Variants in RSRC1 observed in about 807,000 individuals in gnomAD.
RSRC1 encodes serine/Arginine-related protein 53.
A neutral mutation model predicts 49.1 loss-of-function variants in RSRC1; 39 were observed. That is an observed-to-expected ratio of 0.79 (90% CI 0.61 to 1.04). The LOEUF is 1.04. RSRC1 is among the 50% of genes least tolerant of loss of function. The pLI, the probability that RSRC1 is intolerant of heterozygous loss-of-function variation, is 0.00. For synonymous variants in RSRC1, 143 were observed against 130.8 expected (o/e 1.09, Z -0.63); for missense variants, 388 against 402.4 (o/e 0.96, Z 0.31).
chr3:158,228,398 G>C (rs1312235399), intron 4 of RSRC1, among the ~76,000 whole-genome samples: 2 of 151,404 alleles, frequency 1.3e-5, no homozygotes, highest in African/African-American at 4.8e-5. Context: ...TCCCAAGAGG[G>C]TAGTATTACC....
At chr3:158,497,417 C>T (rs1461959237) in intron 7 of RSRC1, among the ~76,000 whole-genome samples, 4 of 148,736 alleles carry the variant, frequency 2.7e-5, no homozygotes, top group Admixed American at 2.7e-4. Context: ...CTCTTCCCCC[C>T]AAGTCCTCAC....
intron 5 of RSRC1, among the ~76,000 whole-genome samples, chr3:158,332,971 G>GT (rs371669802): frequency 0.23 from 31,471 of 136,006 alleles, 3,935 homozygotes; most frequent in South Asian, 0.3. Flanking sequence ...TCTGTTTTTT[G>GT]TTTTTTTTTT....
At chr3:158,462,164 A>G (rs1162270383) in intron 7 of RSRC1, among the ~76,000 whole-genome samples, 1 of 151,842 alleles carries the variant, frequency 6.6e-6, no homozygotes, top group East Asian at 1.9e-4. Flanking sequence ...ATTTTATGGT[A>G]TACTGAGAAA....
chr3:158,445,332 G>T (rs1736641474), intron 6 of RSRC1, among the ~76,000 whole-genome samples: 1 of 152,048 alleles, frequency 6.6e-6, no homozygotes, highest in African/African-American at 2.4e-5. Flanking sequence ...CCATAAAAAA[G>T]GGTGAGTTCA....
chr3:158,385,361 T>TA (rs1732915808), intron 6 of RSRC1, among the ~76,000 whole-genome samples: 1 of 152,160 alleles, frequency 6.6e-6, no homozygotes, highest in East Asian at 1.9e-4. Flanking sequence ...TTTGAGACCC[T>TA]ACTGCTATGT....
chr3:158,255,169 GT>G (rs1290688838), intron 4 of RSRC1, among the ~76,000 whole-genome samples: 6 of 152,014 alleles, frequency 3.9e-5, no homozygotes, highest in African/African-American at 1.2e-4. Flanking sequence ...TATTCCCTCT[GT>G]TTTTTTCTAG....
At chr3:158,472,698 T>C (rs572295058) in intron 7 of RSRC1, among the ~76,000 whole-genome samples, 8 of 152,326 alleles carry the variant, frequency 5.3e-5, no homozygotes, top group African/African-American at 1.9e-4. Flanking sequence ...GTTTGGTTTT[T>C]TTCTTGTAAA....
intron 6 of RSRC1, among the ~76,000 whole-genome samples, chr3:158,420,050 G>A (rs1734956221): frequency 6.6e-6 from 1 of 151,294 alleles, no homozygotes; most frequent in Admixed American, 6.6e-5. Context: ...CTCCTCATAG[G>A]CAGGCTCACA....
At chr3:158,477,422 G>A (rs1010385567) in intron 7 of RSRC1, among the ~76,000 whole-genome samples, 1 of 152,030 alleles carries the variant, frequency 6.6e-6, no homozygotes, top group East Asian at 1.9e-4. Context: ...AGCCTTCAGT[G>A]ACCACCACCT....
At chr3:158,262,871 G>A (rs1341173900) in intron 4 of RSRC1, among the ~76,000 whole-genome samples, 1 of 151,932 alleles carries the variant, frequency 6.6e-6, no homozygotes, top group Admixed American at 6.6e-5. Context: ...CATAAATGCT[G>A]TTGAATTTTG....
At chr3:158,295,104 G>T (rs932022557) in intron 4 of RSRC1, among the ~76,000 whole-genome samples, 2 of 152,104 alleles carry the variant, frequency 1.3e-5, no homozygotes, top group African/African-American at 4.8e-5. Context: ...GACATGCCCC[G>T]AGTGTTAATG....
intron 4 of RSRC1, among the ~76,000 whole-genome samples, chr3:158,227,229 G>A (rs1483315957): frequency 6.6e-6 from 1 of 151,764 alleles, no homozygotes; most frequent in Admixed American, 6.6e-5. Flanking sequence ...AGAGACTTGT[G>A]TCCTAGTCCA....
intron 6 of RSRC1, among the ~76,000 whole-genome samples, chr3:158,407,549 T>C (rs1304336393): frequency 6.6e-6 from 1 of 152,196 alleles, no homozygotes; most frequent in African/African-American, 2.4e-5. Context: ...CTTTATTTGG[T>C]AGATTAGTAA....
At chr3:158,150,185 G>A (rs1717434210) in intron 3 of RSRC1, among the ~76,000 whole-genome samples, 1 of 152,212 alleles carries the variant, frequency 6.6e-6, no homozygotes, top group African/African-American at 2.4e-5. Flanking sequence ...GCTGTTTAAA[G>A]GATATGATAG....
chr3:158,215,524 G>C (rs1260974718), intron 4 of RSRC1, among the ~76,000 whole-genome samples: 2 of 151,472 alleles, frequency 1.3e-5, no homozygotes, highest in Admixed American at 6.6e-5. Flanking sequence ...CTTCCCTTCT[G>C]TCATTAATTT....
chr3:158,430,688 A>G (rs1735731362), intron 6 of RSRC1, among the ~76,000 whole-genome samples: 1 of 151,958 alleles, frequency 6.6e-6, no homozygotes, highest in South Asian at 2.1e-4. Flanking sequence ...TGGGAAGACA[A>G]ACTACAAATA....
intron 4 of RSRC1, among the ~76,000 whole-genome samples, chr3:158,290,321 G>A (rs1253984739): frequency 6.7e-6 from 1 of 150,290 alleles, no homozygotes; most frequent in Non-Finnish European, 1.5e-5. Context: ...CTCCCAGGCT[G>A]GAGTGCAGTG....
At chr3:158,169,384 C>T (rs571117105) in intron 3 of RSRC1, among the ~76,000 whole-genome samples, 1 of 152,242 alleles carries the variant, frequency 6.6e-6, no homozygotes, top group Admixed American at 6.5e-5. Context: ...TTGGCCACCT[C>T]ATTCAGCATA....
chr3:158,518,150 T>TATA, intron 7 of RSRC1, among the ~76,000 whole-genome samples: 60 of 83,592 alleles, frequency 7.2e-4, no homozygotes, highest in Non-Finnish European at 1.4e-3. Context: ...ATATATATAT[T>TATA]TTTTTTTTTT....
Sources: gnomAD v4.1 joint callset for allele counts (sites outside exome capture counted in the v4.1 genomes callset) on GRCh38, gnomAD v4.1.1 for gene constraint, MANE v1.5 for transcripts, NCBI Gene and HGNC (gene_info 2026-07-23, HGNC 2026-07-21) for gene names.